RANBP2: variants seen among roughly 807,000 people sequenced by gnomAD.
RANBP2 encodes RAN binding protein 2.
In RANBP2, 57 loss-of-function variants were observed where a neutral mutation model predicts 303.6. The ratio of observed to expected loss-of-function variants is 0.19; its 90% CI spans 0.15 to 0.23. The LOEUF is 0.23. Among genes scored for constraint, RANBP2 ranks in the 10% least tolerant of loss-of-function variants. RANBP2 has a pLI of 1.00. For synonymous variants in RANBP2, 1,167 were observed against 1,301.5 expected (o/e 0.90, Z 2.23); for missense variants, 3,138 against 3,780.8 (o/e 0.83, Z 4.46).
At chr2:108,923,728 G>A in the RANBP2 span, among the ~76,000 whole-genome samples, 1 of 152,220 alleles carries the variant, frequency 6.6e-6, no homozygotes, top group Admixed American at 6.5e-5. Flanking sequence ...GCTGTGTTTA[G>A]TGTGTGTGCC....
the RANBP2 span, chr2:109,615,928 A>G: frequency 6.2e-7 from 1 of 1,606,852 alleles, no homozygotes; most frequent in Non-Finnish European, 8.5e-7. Flanking sequence ...TTCAGAACCC[A>G]GATCGTCCAC....
chr2:109,667,160 T>C, the RANBP2 span: 241 of 1,322,438 alleles, frequency 1.8e-4, no homozygotes, highest in Non-Finnish European at 1.5e-4. Context: ...AGAAACATTT[T>C]AATTCACTGC....
the RANBP2 span, chr2:108,929,995 G>A: frequency 1.3e-5 from 16 of 1,205,862 alleles, no homozygotes; most frequent in Admixed American, 2.5e-5. Flanking sequence ...TCCAGGGAGC[G>A]TGACCGGCTG....
At chr2:109,533,100 C>T in the RANBP2 span, among the ~76,000 whole-genome samples, 1 of 151,940 alleles carries the variant, frequency 6.6e-6, no homozygotes, top group East Asian at 1.9e-4. Context: ...AGAGAGCTGA[C>T]CTGAGAGGGA....
chr2:109,667,082 C>T, the RANBP2 span: 1 of 785,456 alleles, frequency 1.3e-6, no homozygotes, highest in East Asian at 2.9e-5. Flanking sequence ...TTCAAATACA[C>T]ATAGATCATA....
chr2:108,795,392 G>A, the RANBP2 span, among the ~76,000 whole-genome samples: 1 of 152,056 alleles, frequency 6.6e-6, no homozygotes, highest in Non-Finnish European at 1.5e-5. Flanking sequence ...CTGACCTCAG[G>A]TGATCTGCCC....
chr2:109,232,211 G>A, the RANBP2 span, among the ~76,000 whole-genome samples: 3 of 152,174 alleles, frequency 2.0e-5, no homozygotes, highest in East Asian at 1.9e-4. Context: ...TTACTAAAGT[G>A]GCTGCATCAC....
At chr2:108,992,368 A>T in the RANBP2 span, among the ~76,000 whole-genome samples, 3 of 152,238 alleles carry the variant, frequency 2.0e-5, no homozygotes, top group African/African-American at 7.2e-5. Flanking sequence ...AATGGAGATG[A>T]AAAGTACTTC....
At chr2:109,263,689 G>T in the RANBP2 span, among the ~76,000 whole-genome samples, 1 of 152,200 alleles carries the variant, frequency 6.6e-6, no homozygotes, top group Non-Finnish European at 1.5e-5. Context: ...ATGTGAGGCC[G>T]GGTGCGGTGG....
the RANBP2 span, among the ~76,000 whole-genome samples, chr2:109,632,015 G>T: frequency 6.6e-6 from 1 of 151,988 alleles, no homozygotes; most frequent in African/African-American, 2.4e-5. Flanking sequence ...AGAGGAGGGG[G>T]GTCTGGAGGT....
chr2:109,026,250 C>T, the RANBP2 span, among the ~76,000 whole-genome samples: 1 of 148,942 alleles, frequency 6.7e-6, no homozygotes, highest in East Asian at 2.0e-4. Context: ...CTTCCTGCTT[C>T]AGCCTCCAGA....
At chr2:109,052,968 C>G in the RANBP2 span, among the ~76,000 whole-genome samples, 1 of 152,326 alleles carries the variant, frequency 6.6e-6, no homozygotes, top group Admixed American at 6.5e-5. Flanking sequence ...TGTCAGAGCT[C>G]GCCTCAGATG....
At chr2:108,931,422 A>C in the RANBP2 span, among the ~76,000 whole-genome samples, 1 of 152,238 alleles carries the variant, frequency 6.6e-6, no homozygotes, top group African/African-American at 2.4e-5. Flanking sequence ...GGACCCCTGG[A>C]GAGACTGCCA....
the RANBP2 span, among the ~76,000 whole-genome samples, chr2:109,157,065 C>T: frequency 1.3e-5 from 2 of 152,198 alleles, no homozygotes; most frequent in African/African-American, 4.8e-5. Context: ...GGGAAGGGCT[C>T]TCCTTGGTAA....
At chr2:108,864,387 T>G in the RANBP2 span, among the ~76,000 whole-genome samples, 3 of 152,210 alleles carry the variant, frequency 2.0e-5, no homozygotes, top group African/African-American at 7.2e-5. Context: ...TCAAGGCCAG[T>G]TGTGGTGGCC....
the RANBP2 span, among the ~76,000 whole-genome samples, chr2:109,684,471 C>T: frequency 6.6e-6 from 1 of 151,296 alleles, no homozygotes; most frequent in East Asian, 1.9e-4. Context: ...GAACTCCTGA[C>T]CTCGTAATCC....
chr2:109,287,572 G>C, the RANBP2 span, among the ~76,000 whole-genome samples: 8 of 152,148 alleles, frequency 5.3e-5, no homozygotes, highest in Non-Finnish European at 1.2e-4. Context: ...GTTGGTGCTG[G>C]AGACTGCATC....
chr2:109,056,707 T>A, the RANBP2 span, among the ~76,000 whole-genome samples: 164 of 152,352 alleles, frequency 1.1e-3, no homozygotes, highest in Middle Eastern at 3.4e-3. Flanking sequence ...TTTGGTAAGT[T>A]CTTTGATGTA....
At chr2:109,506,244 TCTAA>T in the RANBP2 span, among the ~76,000 whole-genome samples, 5 of 152,182 alleles carry the variant, frequency 3.3e-5, no homozygotes, top group South Asian at 8.3e-4. Flanking sequence ...TATCCCTGCC[TCTAA>T]CTGACACTGA....
Sources: gnomAD v4.1 joint callset for allele counts (sites outside exome capture counted in the v4.1 genomes callset) on GRCh38, gnomAD v4.1.1 for gene constraint, MANE v1.5 for transcripts, NCBI Gene and HGNC (gene_info 2026-07-23, HGNC 2026-07-21) for gene names.